The following MED1 variants were observed in gnomAD, a reference collection of about 807,000 sequenced individuals.
MED1 encodes mediator of RNA polymerase II transcription subunit 1.
Under a neutral mutation model 121.3 loss-of-function variants are expected in MED1, and 17 were observed. That is an observed-to-expected ratio of 0.14 (90% CI 0.10 to 0.21). MED1 has a LOEUF of 0.21. Ranked by LOEUF, MED1 falls within the 10% of genes least tolerant of loss-of-function variation. MED1 has a pLI of 1.00. For synonymous variants in MED1, 661 were observed against 694.4 expected (o/e 0.95, Z 0.76); for missense variants, 1,558 against 1,919.4 (o/e 0.81, Z 3.52).
At chr17:39,419,192 C>T (rs2048437954) in intron 14 of MED1, among the ~76,000 whole-genome samples, 1 of 152,074 alleles carries the variant, frequency 6.6e-6, no homozygotes, top group African/African-American at 2.4e-5. Context: ...AGCGACAATC[C>T]TCCTGCCTCA....
rs532311820 is a variant in MED1 at position 39,442,034 on chromosome 17, C to T, written c.212-1357G>A. Among the ~76,000 whole-genome samples the T allele has an allele frequency of 1.5e-4, 23 of 149,790 alleles. 1 individual carries two copies. In the East Asian group the frequency reaches 2.4e-3, roughly 15 times the overall value. On this transcript the variant is annotated intron_variant, in intron 3 of 16. Coordinates refer to ENST00000300651, the MANE Select transcript of MED1 (RefSeq NM_004774.4). ...AGAACAATCACTTGAATCCGGGAAA[C>T]GGAGGTTGCAGTGAGCAGAGATCGT...
chr17:39,439,020 G>A (rs1466806168), intron 6 of MED1, 145 bp downstream of exon 6: 6 of 685,920 alleles, frequency 8.7e-6, no homozygotes, highest in South Asian at 5.5e-5. Flanking sequence ...AATTCAGGAC[G>A]TGATTAAGTA....
chr17:39,409,207 C>T lies in MED1; in HGVS notation c.3014G>A (p.Ser1005Asn). 1 of 1,614,142 alleles carries T rather than the reference C, an allele frequency of 6.2e-7. No individual in the cohort carries two copies. Among genetic ancestry groups the T allele is most frequent in the Non-Finnish European group, 8.5e-7 (1 of 1,180,026 alleles). ...RSRTPSNDGK[S>N]KDKPPKRKKA... ...CTTCCGCTTTGGAGGCTTATCTTTG[C>T]TTTTCCCATCATTAGAAGGGGTCCG... Residue 1005 changes from serine to asparagine, a missense_variant, in exon 17 of 17, where the codon AGC becomes AAC. By Grantham distance (46) the Ser-to-Asn change is conservative. Coordinates refer to ENST00000300651, the MANE Select transcript of MED1 (RefSeq NM_004774.4).
In MED1 at chr17:39,409,085, C is replaced by A. The variant is rs770713454; in HGVS notation, c.3136G>T (p.Ala1046Ser). The A allele has an allele frequency of 6.2e-7, 1 of 1,614,154 alleles. No homozygotes were observed. The highest frequency in any genetic ancestry group is 8.5e-7 in the Non-Finnish European group (1 of 1,180,042). Residue 1046 changes from alanine to serine, a missense_variant, in exon 17 of 17, where the codon GCA becomes TCA. Around this residue, in one of 5 missense-constraint regions of MED1, gnomAD observed 793 missense variants for 898.2 expected, o/e 0.88. Transcript: ENST00000300651. ...STGGSKSPGS[A>S]GRSQTPPGVA... ...CCTGGGGGAGTCTGAGATCTTCCTG[C>A]ACTGCCTGGCGATTTAGATCCACCT...
rs1344723300 is a variant in MED1, at chr17:39,441,241, C to T, written c.212-564G>A. ...GACAAATATATGATTCCACTTATAT[C>T]AGGTATACAGAGTAGTCAAATTCAT... On this transcript the variant is annotated intron_variant, in intron 3 of 16. Coordinates refer to ENST00000300651, the MANE Select transcript of MED1 (RefSeq NM_004774.4). Among the ~76,000 whole-genome samples the T allele has an allele frequency of 3.3e-5, 5 of 152,090 alleles. 1 individual carries two copies. The highest frequency in any genetic ancestry group is 3.3e-4 in the Admixed American group (5 of 15,246).
chr17:39,442,749 T>C (rs1041076442), intron 3 of MED1, among the ~76,000 whole-genome samples: 23 of 144,438 alleles, frequency 1.6e-4, no homozygotes, highest in African/African-American at 5.6e-4. Context: ...CTACTAAAAA[T>C]ATAAAATTAC....
At chr17:39,416,987 A>G (rs779359134) in intron 14 of MED1, among the ~76,000 whole-genome samples, 3 of 152,138 alleles carry the variant, frequency 2.0e-5, no homozygotes, top group Non-Finnish European at 4.4e-5. Flanking sequence ...AAAGTGAACT[A>G]TGACTGTACC....
chr17:39,407,938 G>T lies in MED1; in HGVS notation c.4283C>A (p.Ser1428Tyr). The T allele has an allele frequency of 1.9e-6, 3 of 1,614,058 alleles. No homozygotes were observed. The highest frequency in any genetic ancestry group is 2.5e-6 in the Non-Finnish European group (3 of 1,180,026). Residue 1428 changes from serine to tyrosine, a missense_variant, in exon 17 of 17, where the codon TCT becomes TAT. Around this residue, in one of 5 missense-constraint regions of MED1, gnomAD observed 264 missense variants for 326.1 expected, o/e 0.81. Coordinates refer to ENST00000300651, the MANE Select transcript of MED1 (RefSeq NM_004774.4). ...GATGAGTGGAGAGCCATAGTTTTTA[G>T]AAGAAGCCATTTGAGGCCTAAGCCC... ...GEGLRPQMASSKNYGSPLISG... is the reference protein window; with the variant it reads ...GEGLRPQMASYKNYGSPLISG...
chr17:39,416,431 A>G (rs1210708947), intron 14 of MED1, among the ~76,000 whole-genome samples: 2 of 152,200 alleles, frequency 1.3e-5, no homozygotes, highest in African/African-American at 4.8e-5. Context: ...AGCCATCATC[A>G]TATGTTCTTA....
Position 39,440,323 on chromosome 17 carries a change from AT to A in MED1, c.399+62del. The A allele has an allele frequency of 4.7e-6, 7 of 1,475,934 alleles. No individual in the cohort carries two copies. Among genetic ancestry groups the A allele is most frequent in the Non-Finnish European group, 6.3e-6 (7 of 1,111,608 alleles). 91.4% of individuals were successfully genotyped at this position (1,475,934 alleles called of 1,614,324 possible). On this transcript the variant is annotated intron_variant, in intron 5 of 16. Transcript: ENST00000300651. The surrounding 1 kb of genome is among the most constrained non-coding windows in gnomAD (Gnocchi z 4.1). ...CAAGCTATTTAAACCCCAACAATTA[AT>A]TTTAAAATTAATGTCCCTAAGTAAA...
rs372608898 is a variant in MED1, at chr17:39,430,650, G to A, written c.649+465C>T. ...GGAGCTTGCAGTGAGCTGAGATCGC[G>A]CCACTGTACTCCAGCCTGGGCAACA... On this transcript the variant is annotated intron_variant, in intron 9 of 16. Coordinates refer to ENST00000300651, the MANE Select transcript of MED1 (RefSeq NM_004774.4). Among the ~76,000 whole-genome samples the A allele has an allele frequency of 9.2e-3, 1,360 of 147,874 alleles. 19 individuals are homozygous for A. Among genetic ancestry groups the A allele is most frequent in the African/African-American group, 0.032 (1,278 of 39,902 alleles).
intron 11 of MED1, 128 bp downstream of exon 11, chr17:39,424,499 C>A: frequency 3.2e-6 from 2 of 624,414 alleles, no homozygotes; most frequent in Non-Finnish European, 5.6e-6. Flanking sequence ...AAAGAGAAAC[C>A]AATGAATGGA....
rs374497403 is a variant in MED1, at chr17:39,410,175, C to T, written c.2046G>A (p.Ser682=). Residue 682 remains serine (S), a synonymous_variant, in exon 17 of 17, where the codon TCG becomes TCA. Coordinates refer to ENST00000300651, the MANE Select transcript of MED1 (RefSeq NM_004774.4). The part of the protein sequence containing the change: ...SSGSPRMEIC[S]GSNKTKKKKS... ...TCTTTTTCTTGGTCTTGTTGCTCCC[C>T]GAGCATATTTCCATGCGGGGTGAGC... The T allele has an allele frequency of 5.7e-5, 92 of 1,614,018 alleles. No homozygotes were observed. The highest frequency in any genetic ancestry group is 7.1e-5 in the Non-Finnish European group (84 of 1,180,008).
At chr17:39,448,291 A>G (rs1302271645) in intron 1 of MED1, among the ~76,000 whole-genome samples, 1 of 151,580 alleles carries the variant, frequency 6.6e-6, no homozygotes, top group Non-Finnish European at 1.5e-5. Context: ...AATTGCTTGA[A>G]TCCAGGAGGC....
chr17:39,408,687 T>C lies in MED1; in HGVS notation c.3534A>G (p.Pro1178=), dbSNP rs761564194. ...TTAAAGAAGGATTCATAAGTGATGA[T>C]GGCTTTCCTTGAGGTTTCATCTTGG... The part of the protein sequence containing the change: ...SSTKMKPQGK[P]SSLMNPSLSK... Residue 1178 remains proline, a synonymous_variant, in exon 17 of 17, where the codon CCA becomes CCG. Transcript: ENST00000300651. This position sits in a 1 kb window ranked among gnomAD's most constrained non-coding sequence, Gnocchi z 4.7. 1.2e-6 allele frequency: 2 copies of C among 1,614,214 alleles called. No homozygotes were observed. The highest frequency in any genetic ancestry group is 1.7e-6 in the Non-Finnish European group (2 of 1,180,032).
At chr17:39,415,172 T>C (rs1567641390) in intron 15 of MED1, 41 bp from the exon 16 acceptor site, 1 of 1,608,104 alleles carries the variant, frequency 6.2e-7, no homozygotes, top group East Asian at 2.2e-5. Context: ...TAGATTTAGC[T>C]TCTGACTTTT....
At chr17:39,419,967 T>C (rs1353102174) in intron 13 of MED1, 49 bp from the exon 14 acceptor site, 1 of 1,540,052 alleles carries the variant, frequency 6.5e-7, no homozygotes, top group Admixed American at 1.7e-5. Context: ...CCTATTGTAT[T>C]CCAACCACAA....
intron 16 of MED1, among the ~76,000 whole-genome samples, chr17:39,414,260 G>A (rs1040118955): frequency 7.3e-5 from 11 of 150,090 alleles, no homozygotes; most frequent in Non-Finnish European, 7.4e-5. Context: ...CTTTGAATCC[G>A]AAAGCAGAGA....
chr17:39,444,901 A>C (rs983169804), intron 2 of MED1, among the ~76,000 whole-genome samples: 20 of 152,108 alleles, frequency 1.3e-4, no homozygotes, highest in Middle Eastern at 3.2e-3. Context: ...AAACAAAAAA[A>C]AACTTAGCCT....
Sources: allele counts gnomAD v4.1 joint callset (sites outside exome capture counted in the v4.1 genomes callset), GRCh38; gene constraint gnomAD v4.1.1; regional missense constraint gnomAD v4.1.1; non-coding constraint Gnocchi (gnomAD v3.1); transcripts MANE v1.5; gene names NCBI Gene and HGNC (gene_info 2026-07-23, HGNC 2026-07-21).